The following NUP205 variants were observed in gnomAD, a reference collection of about 807,000 sequenced individuals.
NUP205 encodes the protein nuclear pore complex protein Nup205.
NUP205 carries 76 observed loss-of-function variants against 253.8 expected under a neutral mutation model. The observed-to-expected ratio is 0.30, with a 90% CI of 0.25 to 0.36. NUP205 has a LOEUF of 0.36. Ranked by LOEUF, NUP205 falls within the 10% of genes least tolerant of loss-of-function variation. The pLI, the probability that NUP205 is intolerant of heterozygous loss-of-function variation, is 1.00. For synonymous variants in NUP205, 832 were observed against 850.1 expected (o/e 0.98, Z 0.37); for missense variants, 2,162 against 2,425.5 (o/e 0.89, Z 2.28).
chr7:135,643,459 AG>A, intron 39 of NUP205, 101 bp downstream of exon 39: 1 of 827,996 alleles, frequency 1.2e-6, no homozygotes, highest in Non-Finnish European at 1.8e-6. Flanking sequence ...GTATGACTGA[AG>A]GAATTGGAAT....
intron 19 of NUP205, 111 bp from the exon 20 acceptor site, chr7:135,606,034 A>AG (rs1794079374): frequency 1.4e-6 from 1 of 704,004 alleles, no homozygotes; most frequent in Non-Finnish European, 2.5e-6. Context: ...ATACCTAAGC[A>AG]GGTTTGCCTA....
At chr7:135,638,124 T>C (rs1320138716) in intron 37 of NUP205, 65 bp downstream of exon 37, 4 of 1,550,070 alleles carry the variant, frequency 2.6e-6, no homozygotes, top group African/African-American at 1.4e-5. Context: ...AAATAACAGA[T>C]GTGGACCTGG....
At chr7:135,621,635 C>T (rs1794471628) in intron 30 of NUP205, among the ~76,000 whole-genome samples, 1 of 152,078 alleles carries the variant, frequency 6.6e-6, no homozygotes. Context: ...AATGTATGAT[C>T]ATACTGTTCC....
At chr7:135,637,899 A>G (rs1244171101) in intron 36 of NUP205, 32 bp from the exon 37 acceptor site, 3 of 1,579,084 alleles carry the variant, frequency 1.9e-6, no homozygotes, top group Non-Finnish European at 2.6e-6. Flanking sequence ...CTAATTTTAA[A>G]TACATTTAAC....
intron 22 of NUP205, among the ~76,000 whole-genome samples, chr7:135,611,599 A>G (rs570021249): frequency 6.6e-6 from 1 of 151,950 alleles, no homozygotes; most frequent in Admixed American, 6.5e-5. Context: ...TCCTCTCTGT[A>G]TAAACTTTCT....
At chr7:135,591,673 G>T in intron 11 of NUP205, 73 bp downstream of exon 11, 1 of 1,352,040 alleles carries the variant, frequency 7.4e-7, no homozygotes, top group Non-Finnish European at 1.0e-6. Flanking sequence ...TACCTATTAA[G>T]AACATTGGTG....
chr7:135,587,216 T>C (rs1300869686), intron 8 of NUP205, among the ~76,000 whole-genome samples: 1 of 152,148 alleles, frequency 6.6e-6, no homozygotes. Context: ...TCTGGTGTTG[T>C]TATTGATAGT....
At chr7:135,632,823 A>G (rs779269958) in intron 35 of NUP205, among the ~76,000 whole-genome samples, 3 of 151,944 alleles carry the variant, frequency 2.0e-5, no homozygotes, top group Non-Finnish European at 4.4e-5. Context: ...ATTACTCTCA[A>G]TGTACTTCTG....
chr7:135,564,765 T>C (rs1298618042), intron 1 of NUP205, among the ~76,000 whole-genome samples: 1 of 151,500 alleles, frequency 6.6e-6, no homozygotes, highest in East Asian at 1.9e-4. Flanking sequence ...ATTGTTGAGT[T>C]TTTTTGTTTG....
Position 135,573,829 on chromosome 7 carries a change from G to A in NUP205, c.343+4G>A, listed in dbSNP as rs768857263. The A allele has an allele frequency of 6.2e-7, 1 of 1,605,346 alleles. No homozygotes were observed. The highest frequency in any genetic ancestry group is 1.3e-5 in the African/African-American group (1 of 74,366). ...GCTGTTGAGCTTCTTCTTGCTGGTAGGTTGACATTTAACTGAAACAGTGGT... is the reference window on the plus strand; with the variant it reads ...GCTGTTGAGCTTCTTCTTGCTGGTAAGTTGACATTTAACTGAAACAGTGGT... On this transcript the variant is annotated splice_donor_region_variant and intron_variant, in intron 3 of 42. Transcript: ENST00000285968.
Position 135,646,199 on chromosome 7 carries a change from C to T in NUP205, c.5854C>T (p.Leu1952=). 6.2e-7 allele frequency: 1 copy of T among 1,613,436 alleles called. No homozygotes were observed. Among genetic ancestry groups the T allele is most frequent in the Non-Finnish European group, 8.5e-7 (1 of 1,179,398 alleles). The change falls in exon 42 of 43, where the codon CTG becomes TTG. Residue 1952 remains leucine, a synonymous_variant. Coordinates refer to ENST00000285968, the MANE Select transcript of NUP205 (RefSeq NM_015135.3). ...SETNLDFRSG[L]AIVSQHDLDQ... ...AACCAATCTAGATTTTAGAAGTGGG[C>T]TGGCTATAGTGAGCCAACATGATTT...
At chr7:135,599,260 T>C (rs1440107020) in intron 15 of NUP205, among the ~76,000 whole-genome samples, 1 of 152,204 alleles carries the variant, frequency 6.6e-6, no homozygotes, top group East Asian at 1.9e-4. Flanking sequence ...AGTGACTGCA[T>C]AAAATCTGTT....
chr7:135,638,432 A>AG (rs1491311194), intron 37 of NUP205, 125 bp from the exon 38 acceptor site: 1 of 845,090 alleles, frequency 1.2e-6, no homozygotes, highest in Non-Finnish European at 1.8e-6. Context: ...AAAAAAAAAA[A>AG]GAATACACAG....
In NUP205 at chr7:135,583,845, T is replaced by TTTC. The variant is rs1491295310; in HGVS notation, c.1043-985_1043-984insCTT. Among the ~76,000 whole-genome samples the TTTC allele has an allele frequency of 3.2e-5, 4 of 124,110 alleles. No homozygotes were observed. In the East Asian group the frequency reaches 9.2e-4, roughly 29 times the overall value. The allele number at this position is 124,110 out of a possible 152,430, so 81.4% of individuals were successfully genotyped here. ...TACTTTTGCTTTCTTTCTTTCTTTCTTTTTTTTTTTTTTTTGAGACGGAGT... is the reference window on the plus strand; with the variant it reads ...TACTTTTGCTTTCTTTCTTTCTTTCTTTCTTTTTTTTTTTTTTTGAGACGGAGT... On this transcript the variant is annotated intron_variant, in intron 7 of 42. Coordinates refer to ENST00000285968, the MANE Select transcript of NUP205 (RefSeq NM_015135.3).
chr7:135,591,571 G>A lies in NUP205; in HGVS notation c.1595G>A (p.Ser532Asn). 1 of 1,613,452 alleles carries A rather than the reference G, an allele frequency of 6.2e-7. No homozygotes were observed. Among genetic ancestry groups the A allele is most frequent in the South Asian group, 1.1e-5 (1 of 90,868 alleles). The change falls in exon 11 of 43, where the codon AGC becomes AAC. Residue 532 changes from serine to asparagine, a missense_variant. Transcript: ENST00000285968. ...CCTCAGTGTGCCCACTACTGTTTCA[G>A]CCTGCTCAAAGTCAATGGTAGTAGT... The part of the protein sequence containing the change: ...NGPQCAHYCF[S>N]LLKVNGSSHV...
rs1352830783 is a variant in NUP205 at position 135,567,131 on chromosome 7, T to C, written c.29-3974T>C. Among the ~76,000 whole-genome samples, 10 of 3,484 alleles carry C rather than the reference T, an allele frequency of 2.9e-3. 1 individual carries two copies. Among genetic ancestry groups the C allele is most frequent in the Non-Finnish European group, 7.0e-3 (9 of 1,286 alleles). The allele number at this position is 3,484 out of a possible 152,430, so 2.3% of individuals were successfully genotyped here. On this transcript the variant is annotated intron_variant, in intron 1 of 42. Coordinates refer to ENST00000285968, the MANE Select transcript of NUP205 (RefSeq NM_015135.3). ...CTGTCTTGCTCAGTCTATGTGTGTA[T>C]ATATATATATATATATATATATATA...
intron 7 of NUP205, among the ~76,000 whole-genome samples, chr7:135,582,157 A>G (rs1468233226): frequency 6.6e-6 from 1 of 152,102 alleles, no homozygotes; most frequent in Non-Finnish European, 1.5e-5. Context: ...GTGGTGGCAC[A>G]TGCTTGTCAT....
chr7:135,561,816 G>A (rs913567448), intron 1 of NUP205, among the ~76,000 whole-genome samples: 1 of 151,814 alleles, frequency 6.6e-6, no homozygotes, highest in Non-Finnish European at 1.5e-5. Context: ...GATCTCATGC[G>A]TCACTCCACT....
intron 3 of NUP205, among the ~76,000 whole-genome samples, 190 bp downstream of exon 3, chr7:135,574,015 C>G (rs767579925): frequency 6.6e-6 from 1 of 151,922 alleles, no homozygotes; most frequent in African/African-American, 2.4e-5. Flanking sequence ...CTCTGTTGCC[C>G]AGGCTGGAGT....
Sources: gnomAD v4.1 joint callset for allele counts (sites outside exome capture counted in the v4.1 genomes callset) on GRCh38, gnomAD v4.1.1 for gene constraint, MANE v1.5 for transcripts, NCBI Gene and HGNC (gene_info 2026-07-23, HGNC 2026-07-21) for gene names.